The following KIAA1671 variants were observed in gnomAD, a reference collection of about 807,000 sequenced individuals.
The protein encoded by KIAA1671 is KIAA1671, also known as uncharacterized protein KIAA1671.
Under a neutral mutation model 131.2 loss-of-function variants are expected in KIAA1671, and 52 were observed. That is an observed-to-expected ratio of 0.40 (90% CI 0.32 to 0.50). KIAA1671 has a LOEUF of 0.50. Among genes scored for constraint, KIAA1671 ranks in the 20% least tolerant of loss-of-function variants. The pLI, the probability that KIAA1671 is intolerant of heterozygous loss-of-function variation, is 0.73. For missense variants in KIAA1671, 2,360 were observed against 2,364.2 expected, an observed-to-expected ratio of 1.00 and a Z score of 0.04; for synonymous variants, 1,003 against 961.6, an observed-to-expected ratio of 1.04 and a Z score of -0.80.
intron 1 of KIAA1671, chr22:25,009,835 G>A (rs1012708364): frequency 1.3e-5 from 2 of 151,956 alleles, no homozygotes; most frequent in Non-Finnish European, 2.9e-5. Flanking sequence ...GCCCTCCTCG[G>A]GGCCTCCCAA....
At chr22:25,057,643 A>G (rs1465445155) in intron 6 of KIAA1671, 1 of 133,686 alleles carries the variant, frequency 7.5e-6, no homozygotes, top group Non-Finnish European at 1.6e-5. Context: ...TCTGCTGGGC[A>G]TTTTTTTTTT....
rs372791440 is a variant in KIAA1671 at position 25,053,244 on chromosome 22, C to G, written c.4530+3880C>G. 9.8e-5 allele frequency: 15 copies of G among 152,378 alleles called. No homozygotes were observed. In the East Asian group the frequency reaches 2.3e-3, roughly 23 times the overall value. 9.4% of individuals were successfully genotyped at this position (152,378 alleles called of 1,614,324 possible). A position where few individuals can be genotyped will look rare whatever the true frequency, so the allele number is the denominator to read the frequency against. ...AGTGCTCTCTGTTTCTCCCCATCTC[C>G]CTTGTTACTTTCAGGGTTCCCCTCA... On this transcript the variant is annotated intron_variant, in intron 6 of 12. Coordinates refer to ENST00000358431, the MANE Select transcript of KIAA1671 (RefSeq NM_001145206.2).
chr22:25,026,077 C>T (rs958969666), intron 2 of KIAA1671, among the ~76,000 whole-genome samples: 1 of 152,176 alleles, frequency 6.6e-6, no homozygotes, highest in Non-Finnish European at 1.5e-5. Flanking sequence ...TCATATCTGT[C>T]CCTCCATTCT....
intron 3 of KIAA1671, 145 bp from the exon 4 acceptor site, chr22:25,032,464 T>C (rs1926346982): frequency 5.9e-6 from 3 of 504,880 alleles, no homozygotes; most frequent in Non-Finnish European, 7.2e-6. Context: ...AGGTAGGCTC[T>C]CCCCACTGGG....
chr22:25,169,280 G>A (rs1199296663), intron 6 of KIAA1671, among the ~76,000 whole-genome samples: 2 of 151,996 alleles, frequency 1.3e-5, no homozygotes, highest in African/African-American at 2.4e-5. Flanking sequence ...ATAGCTGGGT[G>A]TGGTAGTGTA....
rs1021342087 is a variant in KIAA1671, at chr22:25,040,072, G to A, written c.2942G>A (p.Ser981Asn). 27 of 1,551,682 alleles carry A rather than the reference G, an allele frequency of 1.7e-5. No homozygotes were observed. The African/African-American group carries it at 3.7e-4, about 21-fold the overall frequency. Residue 981 changes from serine to asparagine, a missense_variant, in exon 5 of 13, where the codon AGC becomes AAC. Ser to Asn is a conservative substitution (Grantham distance 46, BLOSUM62 1). Around this residue, in one of 3 missense-constraint regions of KIAA1671, gnomAD observed 1,161 missense variants for 1,204.7 expected, o/e 0.96. Transcript: ENST00000358431. ...HVGHRRTDYVSPTASALRKPQ... is the reference protein window; with the variant it reads ...HVGHRRTDYVNPTASALRKPQ... ...GGGCACAGACGAACAGATTATGTGA[G>A]CCCCACAGCCAGTGCCTTAAGAAAA...
At chr22:25,032,838 T>C in intron 4 of KIAA1671, 142 bp downstream of exon 4, 1 of 498,928 alleles carries the variant, frequency 2.0e-6, no homozygotes, top group Non-Finnish European at 3.6e-6. Flanking sequence ...TCTTCTAATG[T>C]TGGGACTTTG....
At chr22:25,123,277 A>G (rs1932032371) in intron 6 of KIAA1671, among the ~76,000 whole-genome samples, 1 of 142,066 alleles carries the variant, frequency 7.0e-6, no homozygotes, top group Admixed American at 7.4e-5. Flanking sequence ...GCTCACTGCA[A>G]CCACCCCTTC....
chr22:25,129,013 G>A (rs1367807859), intron 6 of KIAA1671, among the ~76,000 whole-genome samples: 1 of 152,140 alleles, frequency 6.6e-6, no homozygotes, highest in African/African-American at 2.4e-5. Flanking sequence ...ACCAAGGGAG[G>A]CAGCCGCACT....
At chr22:24,986,015 G>A (rs1406712168) in intron 1 of KIAA1671, among the ~76,000 whole-genome samples, 10 of 152,150 alleles carry the variant, frequency 6.6e-5, no homozygotes, top group Non-Finnish European at 2.9e-5. Context: ...GGATGGGGAC[G>A]TGTGAAAGAC....
intron 1 of KIAA1671, among the ~76,000 whole-genome samples, chr22:24,976,715 C>A (rs1251953097): frequency 6.6e-6 from 1 of 152,228 alleles, no homozygotes; most frequent in Non-Finnish European, 1.5e-5. Context: ...GGGGCCCACC[C>A]CTAGCTGAGC....
Position 25,177,328 on chromosome 22 carries a change from C to A in KIAA1671, c.4900-20C>A. The A allele has an allele frequency of 6.5e-7, 1 of 1,530,986 alleles. No individual in the cohort carries two copies. Among genetic ancestry groups the A allele is most frequent in the South Asian group, 1.2e-5 (1 of 82,306 alleles). The allele number at this position is 1,530,986 out of a possible 1,614,324, so 94.8% of individuals were successfully genotyped here. A position where few individuals can be genotyped will look rare whatever the true frequency, so the allele number is the denominator to read the frequency against. ...TGGTTCCCTTGATTTTTTTCCTCTT[C>A]CTCCCTGCTGCTCCCAAAGCAAACC... On this transcript the variant is annotated intron_variant, in intron 8 of 12. Coordinates refer to ENST00000358431, the MANE Select transcript of KIAA1671 (RefSeq NM_001145206.2).
chr22:25,031,881 G>A (rs1210741344), intron 3 of KIAA1671, among the ~76,000 whole-genome samples: 4 of 152,168 alleles, frequency 2.6e-5, no homozygotes, highest in Admixed American at 2.6e-4. Context: ...CTGGGTTGCT[G>A]AGTATGGGTT....
chr22:25,039,298 C>A lies in KIAA1671; in HGVS notation c.2168C>A (p.Pro723His). The A allele has an allele frequency of 1.9e-6, 3 of 1,552,212 alleles. No homozygotes were observed. The highest frequency in any genetic ancestry group is 2.6e-6 in the Non-Finnish European group (3 of 1,147,110). The change falls in exon 5 of 13, where the codon CCT becomes CAT. Residue 723 changes from proline to histidine, a missense_variant. Pro to His is a moderately conservative substitution (Grantham distance 77). Transcript: ENST00000358431. ...NNTFLKHLEN[P>H]PTSQRIEPRY... ...ACCTTCCTCAAACACTTGGAAAATC[C>A]TCCCACATCGCAGAGAATTGAGCCC...
intron 1 of KIAA1671, among the ~76,000 whole-genome samples, chr22:24,998,977 T>C (rs1388686952): frequency 6.6e-6 from 1 of 152,118 alleles, no homozygotes; most frequent in Admixed American, 6.6e-5. Context: ...TGAGCATTCA[T>C]ATATAAATTT....
In KIAA1671 at chr22:25,049,215, T is replaced by C. The variant is rs1927401800; in HGVS notation, c.4396-15T>C. 6.4e-7 allele frequency: 1 copy of C among 1,550,542 alleles called. No individual in the cohort carries two copies. The highest frequency in any genetic ancestry group is 8.7e-7 in the Non-Finnish European group (1 of 1,145,910). ...GGCTCCCAGTAAAGTCCTTTTCTTG[T>C]GCTCTGTGTTTCAGGTGCTGCCACG... On this transcript the variant is annotated splice_polypyrimidine_tract_variant and intron_variant, in intron 5 of 12. Transcript: ENST00000358431.
At chr22:25,189,925 A>G (rs1354016947) in intron 11 of KIAA1671, among the ~76,000 whole-genome samples, 5 of 152,132 alleles carry the variant, frequency 3.3e-5, no homozygotes, top group Admixed American at 3.3e-4. Context: ...ATAAATTTTT[A>G]TAACTGCAGT....
At chr22:25,190,461 G>A (rs561761987) in intron 11 of KIAA1671, among the ~76,000 whole-genome samples, 30 of 152,326 alleles carry the variant, frequency 2.0e-4, no homozygotes, top group African/African-American at 7.2e-4. Flanking sequence ...GACCAGTATC[G>A]GTCTGTGGCC....
chr22:25,101,441 G>A (rs551362714), intron 6 of KIAA1671, among the ~76,000 whole-genome samples: 244 of 152,310 alleles, frequency 1.6e-3, no homozygotes, highest in Non-Finnish European at 2.7e-3. Context: ...ATAAAGAAAG[G>A]TGATGAGTTT....
Sources: allele counts gnomAD v4.1 joint callset (sites outside exome capture counted in the v4.1 genomes callset), GRCh38; gene constraint gnomAD v4.1.1; regional missense constraint gnomAD v4.1.1; transcripts MANE v1.5; gene names NCBI Gene and HGNC (gene_info 2026-07-23, HGNC 2026-07-21).